Variants in ENTPD5 observed in about 807,000 individuals in gnomAD.
The protein encoded by ENTPD5 is nucleoside diphosphate phosphatase ENTPD5.
In ENTPD5, 49 loss-of-function variants were observed where a neutral mutation model predicts 60.2. The observed-to-expected ratio is 0.81, with a 90% CI of 0.65 to 1.03. The LOEUF is 1.03. ENTPD5 is among the 50% of genes least tolerant of loss of function. The probability of loss-of-function intolerance (pLI) is 0.00; values close to 1 mark genes in which losing one functional copy is unlikely to be tolerated. For synonymous variants in ENTPD5, 187 were observed against 185.4 expected, an observed-to-expected ratio of 1.01 and a Z score of -0.07; for missense variants, 480 against 507.6, an observed-to-expected ratio of 0.95 and a Z score of 0.52.
Position 74,005,503 on chromosome 14 carries a change from T to C in ENTPD5, c.-71+5588A>G, listed in dbSNP as rs1298891548. Among the ~76,000 whole-genome samples the C allele has an allele frequency of 2.0e-5, 3 of 151,830 alleles. No homozygotes were observed. The East Asian group carries it at 5.9e-4, about 30-fold the overall frequency. Reference sequence around the variant, plus strand: ...GTGTGAGCCATCACATCGGCTGCTATTAACTCTTAAAAATGAACAACTGGC... The same window carrying C: ...GTGTGAGCCATCACATCGGCTGCTACTAACTCTTAAAAATGAACAACTGGC... On this transcript the variant is annotated intron_variant, in intron 3 of 15. Transcript: ENST00000334696.
downstream of ENTPD5, chr14:73,961,769 G>C: frequency 1.2e-6 from 2 of 1,614,190 alleles, no homozygotes; most frequent in Non-Finnish European, 1.7e-6. Context: ...TTATGAAACA[G>C]AAAGACAGCG....
chr14:73,998,005 T>G (rs528126544), intron 3 of ENTPD5, among the ~76,000 whole-genome samples: 13 of 152,282 alleles, frequency 8.5e-5, no homozygotes, highest in Non-Finnish European at 1.8e-4. Context: ...GTGAAGCCTA[T>G]TTGTTCCTAT....
chr14:73,975,513 T>C (rs1221402481), intron 10 of ENTPD5, among the ~76,000 whole-genome samples: 1 of 151,418 alleles, frequency 6.6e-6, no homozygotes, highest in East Asian at 1.9e-4. Flanking sequence ...CAAATGATTC[T>C]CCTGCCTCAG....
In ENTPD5 at chr14:73,977,381, A is replaced by G. The variant is rs769458525; in HGVS notation, c.442-7T>C. The G allele has an allele frequency of 4.6e-6, 7 of 1,521,054 alleles. No individual in the cohort carries two copies. The African/African-American group carries it at 7.1e-5, about 15-fold the overall frequency. The allele number at this position is 1,521,054 out of a possible 1,614,324, so 94.2% of individuals were successfully genotyped here. A position where few individuals can be genotyped will look rare whatever the true frequency, so the allele number is the denominator to read the frequency against. On this transcript the variant is annotated splice_region_variant and splice_polypyrimidine_tract_variant and intron_variant, in intron 6 of 15. Transcript: ENST00000334696. ...TCCTGAAGATCTCCTTTACCTAGAG[A>G]AAAAGGAAAAAAAAAAAAAAAGAAT...
At chr14:73,983,675 AATT>A (rs149008443) in intron 5 of ENTPD5, among the ~76,000 whole-genome samples, 1 of 127,666 alleles carries the variant, frequency 7.8e-6, no homozygotes, top group African/African-American at 2.7e-5. Context: ...CCTAATAAAA[AATT>A]ATTATTATTA....
intron 2 of ENTPD5, among the ~76,000 whole-genome samples, chr14:74,015,543 G>A (rs1312971632): frequency 6.6e-6 from 1 of 151,830 alleles, no homozygotes; most frequent in Non-Finnish European, 1.5e-5. Flanking sequence ...TGTAAAGACA[G>A]GGTTTTGCCA....
At chr14:73,986,925 G>C (rs1449627002) in intron 4 of ENTPD5, 32 bp from the exon 5 acceptor site, 1 of 1,571,068 alleles carries the variant, frequency 6.4e-7, no homozygotes, top group Non-Finnish European at 8.8e-7. Flanking sequence ...ACAGAAGAGA[G>C]AGCTGGTTAC....
intron 6 of ENTPD5, among the ~76,000 whole-genome samples, chr14:73,982,557 C>T (rs542600788): frequency 6.6e-6 from 1 of 151,914 alleles, no homozygotes; most frequent in East Asian, 1.9e-4. Context: ...GAGATCGAGA[C>T]CATCCTGGCT....
chr14:73,958,122 T>G (rs760864440), downstream of ENTPD5: 14 of 1,604,650 alleles, frequency 8.7e-6, no homozygotes, highest in Non-Finnish European at 1.2e-5. Context: ...TTCTAATTTT[T>G]TTTCCTCTCT....
rs1465455015 is a variant in ENTPD5 at position 73,965,386 on chromosome 14, G to A, written c.*1542C>T. The A allele has an allele frequency of 6.6e-6, 1 of 152,222 alleles. No individual in the cohort carries two copies. The highest frequency in any genetic ancestry group is 2.4e-5 in the African/African-American group (1 of 41,440). The allele number at this position is 152,222 out of a possible 1,614,324, so 9.4% of individuals were successfully genotyped here. A position where few individuals can be genotyped will look rare whatever the true frequency, so the allele number is the denominator to read the frequency against. ...GCCAGACCACAGGGAGATCTTCCAG[G>A]TCCAAGAGCACTGCAGGGCAGATGA... On this transcript the variant is annotated 3_prime_UTR_variant, in exon 16 of 16. Coordinates refer to ENST00000334696, the MANE Select transcript of ENTPD5 (RefSeq NM_001249.5).
At chr14:73,969,191 T>C (rs1273401347) in intron 15 of ENTPD5, among the ~76,000 whole-genome samples, 1 of 152,202 alleles carries the variant, frequency 6.6e-6, no homozygotes, top group African/African-American at 2.4e-5. Context: ...AGGCACCTTT[T>C]GTCTTTGTGC....
At chr14:73,997,240 T>C (rs1342600429) in intron 3 of ENTPD5, among the ~76,000 whole-genome samples, 2 of 152,090 alleles carry the variant, frequency 1.3e-5, no homozygotes, top group Admixed American at 6.6e-5. Context: ...TGAGGGAAAA[T>C]GGCTCTGGAA....
At chr14:73,977,080 G>GAAA in intron 7 of ENTPD5, 21 bp from the exon 8 acceptor site, 1 of 1,608,626 alleles carries the variant, frequency 6.2e-7, no homozygotes, top group Non-Finnish European at 8.5e-7. Flanking sequence ...AGAAAGACAA[G>GAAA]GATTAGATCC....
At position 73,974,906 on chromosome 14, in the gene ENTPD5, A is replaced by G; in HGVS notation, c.784+18T>C. The G allele has an allele frequency of 6.2e-7, 1 of 1,608,142 alleles. No individual in the cohort carries two copies. On this transcript the variant is annotated intron_variant, in intron 11 of 15. Coordinates refer to ENST00000334696, the MANE Select transcript of ENTPD5 (RefSeq NM_001249.5). Reference sequence around the variant, plus strand: ...GTCACCCTCACCATCCCCCCCCAGCACAGGTACCCAGACAAACCTTCTGTC... The same window carrying G: ...GTCACCCTCACCATCCCCCCCCAGCGCAGGTACCCAGACAAACCTTCTGTC...
intron 14 of ENTPD5, among the ~76,000 whole-genome samples, chr14:73,970,789 T>C (rs1472811175): frequency 1.3e-5 from 2 of 152,140 alleles, no homozygotes; most frequent in Non-Finnish European, 2.9e-5. Context: ...CTCGATAAGA[T>C]CATTTGTATT....
At chr14:73,991,434 A>G (rs1412647036) in intron 3 of ENTPD5, among the ~76,000 whole-genome samples, 2 of 152,024 alleles carry the variant, frequency 1.3e-5, no homozygotes, top group African/African-American at 4.8e-5. Flanking sequence ...ACTAAAATAC[A>G]AAAATTAGTT....
chr14:73,958,916 C>G (rs991609100), downstream of ENTPD5: 7 of 1,607,330 alleles, frequency 4.4e-6, no homozygotes, highest in African/African-American at 5.4e-5. Flanking sequence ...AGAAAAACTT[C>G]TGAAGCAGTT....
chr14:73,972,343 C>T (rs1044439004), intron 13 of ENTPD5, among the ~76,000 whole-genome samples: 3 of 152,136 alleles, frequency 2.0e-5, no homozygotes, highest in African/African-American at 7.2e-5. Context: ...CATTGCACTC[C>T]AGCCTGGGTA....
At chr14:73,958,746 C>T, downstream of ENTPD5, 1 of 1,440,050 alleles carries the variant, frequency 6.9e-7, no homozygotes, top group South Asian at 1.4e-5. Flanking sequence ...GAGTTTAACT[C>T]ATGGCTGGCA....
Sources: gnomAD v4.1 joint callset for allele counts (sites outside exome capture counted in the v4.1 genomes callset) on GRCh38, gnomAD v4.1.1 for gene constraint, MANE v1.5 for transcripts, NCBI Gene and HGNC (gene_info 2026-07-23, HGNC 2026-07-21) for gene names.